TESC: variants seen among roughly 807,000 people sequenced by gnomAD.
TESC encodes the protein calcineurin B homologous protein 3.
In TESC, 19 loss-of-function variants were observed where a neutral mutation model predicts 31.0. The observed-to-expected ratio is 0.61, with a 90% CI of 0.43 to 0.90. The LOEUF is 0.90. Ranked by LOEUF, TESC falls within the 40% of genes least tolerant of loss-of-function variation. The pLI is 0.00. For synonymous variants in TESC, 109 were observed against 114.8 expected (o/e 0.95, Z 0.32); for missense variants, 248 against 303.8 (o/e 0.82, Z 1.36).
At position 117,042,153 on chromosome 12, in the gene TESC, G is replaced by A. The variant is rs148785537; in HGVS notation, c.520-159C>T. ...CAAGAAGAGGAGAACGTTCTGGATCGTCTGCCTCCAGCATGGAGCCGGTCA... is the reference window on the plus strand; with the variant it reads ...CAAGAAGAGGAGAACGTTCTGGATCATCTGCCTCCAGCATGGAGCCGGTCA... On this transcript the variant is annotated intron_variant, in intron 6 of 7. Transcript: ENST00000335209. Among the ~76,000 whole-genome samples the A allele has an allele frequency of 5.9e-5, 9 of 152,282 alleles. No individual in the cohort carries two copies. In the East Asian group the frequency reaches 7.7e-4, roughly 13 times the overall value.
intron 3 of TESC, 75 bp from the exon 4 acceptor site, chr12:117,049,233 G>C: frequency 6.3e-7 from 1 of 1,594,776 alleles, no homozygotes; most frequent in Non-Finnish European, 8.6e-7. Flanking sequence ...ATTAGCTCCC[G>C]AGAACTCCGC....
intron 6 of TESC, among the ~76,000 whole-genome samples, chr12:117,044,682 G>A (rs377545138): frequency 2.0e-5 from 3 of 152,198 alleles, no homozygotes; most frequent in African/African-American, 4.8e-5. Context: ...TGGATCACTT[G>A]AGGTCAGGAG....
Position 117,075,280 on chromosome 12 carries a change from G to A in TESC, c.119C>T (p.Pro40Leu). ...RRFKQLSGDQPTIRKENFNNV... is the reference protein window; with the variant it reads ...RRFKQLSGDQLTIRKENFNNV... Reference sequence around the variant, plus strand: ...CCGCTGCCAATCTTACCGAATGGTAGGCTGATCTCCACTCAGCTGCTTAAA... The same window carrying A: ...CCGCTGCCAATCTTACCGAATGGTAAGCTGATCTCCACTCAGCTGCTTAAA... Residue 40 changes from proline (P) to leucine (L), a missense_variant, in exon 2 of 8, where the codon CCT becomes CTT. Coordinates refer to ENST00000335209, the MANE Select transcript of TESC (RefSeq NM_017899.4). 6.2e-7 allele frequency: 1 copy of A among 1,612,588 alleles called. No individual in the cohort carries two copies. Among genetic ancestry groups the A allele is most frequent in the Admixed American group, 1.7e-5 (1 of 60,018 alleles).
At chr12:117,061,494 G>A (rs1023503188) in intron 2 of TESC, among the ~76,000 whole-genome samples, 1 of 151,940 alleles carries the variant, frequency 6.6e-6, no homozygotes, top group Non-Finnish European at 1.5e-5. Context: ...CATGTGCCTG[G>A]AGAAGAAATT....
intron 2 of TESC, among the ~76,000 whole-genome samples, chr12:117,066,612 G>T (rs889617817): frequency 1.3e-5 from 2 of 152,036 alleles, no homozygotes; most frequent in Non-Finnish European, 2.9e-5. Flanking sequence ...TGATCCGCCC[G>T]CCTCAGCCTC....
At chr12:117,072,383 G>C (rs1056510705) in intron 2 of TESC, among the ~76,000 whole-genome samples, 2 of 152,088 alleles carry the variant, frequency 1.3e-5, no homozygotes, top group East Asian at 3.8e-4. Context: ...GTGCCCGGCC[G>C]ACTGCTCATT....
chr12:117,044,625 C>T (rs959207550), intron 6 of TESC, among the ~76,000 whole-genome samples: 19 of 152,184 alleles, frequency 1.2e-4, no homozygotes, highest in African/African-American at 1.7e-4. Flanking sequence ...CAGGCCGGCG[C>T]GACGGCTCAT....
rs535247437 is a variant in TESC, at chr12:117,075,719, C to T, written c.59-379G>A. The stretch of plus-strand genomic sequence containing the variant: ...TCACTCAGGCTGGAGTACACTGGCA[C>T]GACCTCGGCATCTCAGCTCACTGCA... On this transcript the variant is annotated intron_variant, in intron 1 of 7. Transcript: ENST00000335209. Among the ~76,000 whole-genome samples, 61 of 150,694 alleles carry T rather than the reference C, an allele frequency of 4.0e-4. No individual in the cohort carries two copies. In the South Asian group the frequency reaches 9.3e-3, roughly 23 times the overall value.
chr12:117,060,909 C>T (rs1288267821), intron 2 of TESC, among the ~76,000 whole-genome samples: 2 of 152,234 alleles, frequency 1.3e-5, no homozygotes, highest in East Asian at 1.9e-4. Context: ...TAGCCAAACC[C>T]TCTCTGGCTT....
rs187844208 is a variant in TESC, at chr12:117,058,054, T to C, written c.129-1168A>G. 5.3e-4 allele frequency among the ~76,000 whole-genome samples: 80 copies of C among 152,186 alleles called. 2 individuals carry two copies. The highest frequency in any genetic ancestry group is 4.2e-3 in the Admixed American group (64 of 15,286). ...GGCCAACATGGTGAAACCCCATCTC[T>C]ACTAAAAATACAAAAATTACCCGGG... On this transcript the variant is annotated intron_variant, in intron 2 of 7. Coordinates refer to ENST00000335209, the MANE Select transcript of TESC (RefSeq NM_017899.4).
chr12:117,064,812 C>T (rs1954851536), intron 2 of TESC, among the ~76,000 whole-genome samples: 1 of 152,182 alleles, frequency 6.6e-6, no homozygotes, highest in Non-Finnish European at 1.5e-5. Context: ...CCCATGTGTC[C>T]AGCTGGTGGG....
chr12:117,061,898 A>G (rs1487626603), intron 2 of TESC, among the ~76,000 whole-genome samples: 2 of 152,144 alleles, frequency 1.3e-5, no homozygotes, highest in Non-Finnish European at 2.9e-5. Context: ...TCAAGCCGTG[A>G]TTTCTCATAT....
intron 1 of TESC, among the ~76,000 whole-genome samples, chr12:117,087,616 C>A (rs1347540806): frequency 6.6e-6 from 1 of 152,238 alleles, no homozygotes; most frequent in Non-Finnish European, 1.5e-5. Context: ...CTGTTTCGCT[C>A]ATCTATGTTC....
At chr12:117,076,828 C>T (rs1250527415) in intron 1 of TESC, among the ~76,000 whole-genome samples, 1 of 152,178 alleles carries the variant, frequency 6.6e-6, no homozygotes, top group Non-Finnish European at 1.5e-5. Context: ...TGGGACTGAA[C>T]TCCAAGTCTG....
Position 117,099,384 on chromosome 12 carries a change from G to A in TESC, c.-102C>T. ...TGGCCTCGGGTCCGGCCTCGGGTCG[G>A]GACGCCGGCGAAGGCTCGGAGCCGC... is the stretch of plus-strand genomic sequence containing the variant. On this transcript the variant is annotated 5_prime_UTR_variant, in exon 1 of 8. Transcript: ENST00000335209. 3 of 1,188,840 alleles carry A rather than the reference G, an allele frequency of 2.5e-6. No homozygotes were observed. Among genetic ancestry groups the A allele is most frequent in the Non-Finnish European group, 3.2e-6 (3 of 932,514 alleles). The allele number at this position is 1,188,840 out of a possible 1,614,324, so 73.6% of individuals were successfully genotyped here.
intron 4 of TESC, among the ~76,000 whole-genome samples, chr12:117,047,131 TG>T (rs1318860462): frequency 1.3e-5 from 2 of 152,248 alleles, no homozygotes; most frequent in Admixed American, 6.5e-5. Context: ...CGTTAGGGCC[TG>T]GCAACTGCCC....
In TESC at chr12:117,099,317, C is replaced by T. The variant is rs765013563; in HGVS notation, c.-35G>A. ...GGCGGGGGCCCCGGGGCGCGCGTCC[C>T]TCTCAGGCCCCGCACTGGCTTCGGC... On this transcript the variant is annotated 5_prime_UTR_variant, in exon 1 of 8. Coordinates refer to ENST00000335209, the MANE Select transcript of TESC (RefSeq NM_017899.4). 2.8e-6 allele frequency: 4 copies of T among 1,414,498 alleles called. No individual in the cohort carries two copies. Among genetic ancestry groups the T allele is most frequent in the South Asian group, 2.9e-5 (2 of 69,270 alleles). 87.6% of individuals were successfully genotyped at this position (1,414,498 alleles called of 1,614,324 possible).
Position 117,041,987 on chromosome 12 carries a change from T to TC in TESC, c.526dup (p.Asp176GlyfsTer22). ...GAAGGTGATCCCCTCGTACACCTGA[T>TC]CAGGCTCCTGGGGACGGAAGCACAG... On this transcript the variant is annotated frameshift_variant, in exon 7 of 8. Coordinates refer to ENST00000335209, the MANE Select transcript of TESC (RefSeq NM_017899.4). LOFTEE classifies it high-confidence loss of function. 6.3e-7 allele frequency: 1 copy of TC among 1,595,920 alleles called. No homozygotes were observed. Among genetic ancestry groups the TC allele is most frequent in the Non-Finnish European group, 8.5e-7 (1 of 1,170,904 alleles).
chr12:117,075,899 A>G lies in TESC; in HGVS notation c.59-559T>C, dbSNP rs867669328. Among the ~76,000 whole-genome samples the G allele has an allele frequency of 8.2e-3, 599 of 72,992 alleles. 15 individuals are homozygous for G. The highest frequency in any genetic ancestry group is 0.037 in the South Asian group (93 of 2,510). 47.9% of individuals were successfully genotyped at this position (72,992 alleles called of 152,430 possible). On this transcript the variant is annotated intron_variant, in intron 1 of 7. Transcript: ENST00000335209. ...TGTATATATATATATATATATATAT[A>G]TATATATATATATATGTGTGTGTGT...
Sources: gnomAD v4.1 joint callset for allele counts (sites outside exome capture counted in the v4.1 genomes callset) on GRCh38, gnomAD v4.1.1 for gene constraint, MANE v1.5 for transcripts, NCBI Gene and HGNC (gene_info 2026-07-23, HGNC 2026-07-21) for gene names.